MICB: variants seen among roughly 807,000 people sequenced by gnomAD.
MICB encodes MHC class I antigen-related protein B.
In MICB, 27 loss-of-function variants were observed where a neutral mutation model predicts 34.3. The ratio of observed to expected loss-of-function variants is 0.79; its 90% confidence interval spans 0.58 to 1.08. The LOEUF is 1.08. MICB is among the 50% of genes least tolerant of loss of function. MICB has a pLI of 0.00. For missense variants in MICB, 426 were observed against 483.1 expected, an observed-to-expected ratio of 0.88 and a Z score of 1.11; for synonymous variants, 153 against 187.4, an observed-to-expected ratio of 0.82 and a Z score of 1.50.
At chr6:31,500,823 G>A (rs1445929701) in intron 1 of MICB, among the ~76,000 whole-genome samples, 2 of 152,128 alleles carry the variant, frequency 1.3e-5, no homozygotes, top group African/African-American at 2.4e-5. Context: ...TTCTCCATTC[G>A]TCTGTTGATG....
upstream of MICB, among the ~76,000 whole-genome samples, chr6:31,497,826 C>A (rs929462319): frequency 1.1e-4 from 16 of 152,148 alleles, no homozygotes; most frequent in African/African-American, 3.9e-4. Context: ...GGTGGGAATG[C>A]GGGGATGGGG....
At chr6:31,496,175 T>G (rs1764640939), upstream of MICB, among the ~76,000 whole-genome samples, 1 of 151,170 alleles carries the variant, frequency 6.6e-6, no homozygotes, top group Admixed American at 6.6e-5. Flanking sequence ...TGACTAAGAA[T>G]GTGCGCTGGG....
At chr6:31,506,498 T>C (rs1489385191) in intron 3 of MICB, 68 bp downstream of exon 3, 6 of 1,534,972 alleles carry the variant, frequency 3.9e-6, no homozygotes, top group Non-Finnish European at 5.3e-6. Context: ...CTCCCAGCTC[T>C]GTCCGGGGAA....
chr6:31,500,624 C>T (rs1213987844), intron 1 of MICB, among the ~76,000 whole-genome samples: 2 of 152,154 alleles, frequency 1.3e-5, no homozygotes, highest in Non-Finnish European at 2.9e-5. Context: ...CTCTGGTAGT[C>T]GTCATTCTAT....
intron 1 of MICB, among the ~76,000 whole-genome samples, chr6:31,504,019 A>C (rs1765147560): frequency 6.8e-6 from 1 of 148,040 alleles, no homozygotes; most frequent in African/African-American, 2.5e-5. Flanking sequence ...TTGAAGTGGT[A>C]TCTCATTGTG....
At chr6:31,506,002 G>T in intron 2 of MICB, 131 bp downstream of exon 2, 1 of 1,470,444 alleles carries the variant, frequency 6.8e-7, no homozygotes, top group South Asian at 1.4e-5. Context: ...GGGAGGCTCA[G>T]CAGGGTGGTG....
intron 1 of MICB, among the ~76,000 whole-genome samples, chr6:31,499,652 C>T (rs1764913510): frequency 3.3e-5 from 5 of 152,158 alleles, no homozygotes; most frequent in Admixed American, 3.3e-4. Flanking sequence ...CGCAGATGCC[C>T]CCTCCCCTCC....
chr6:31,500,886 C>T (rs1764983210), intron 1 of MICB, among the ~76,000 whole-genome samples: 1 of 152,198 alleles, frequency 6.6e-6, no homozygotes, highest in Non-Finnish European at 1.5e-5. Flanking sequence ...CTGCAATAAA[C>T]ATGGAAAAGT....
At position 31,509,940 on chromosome 6, in the gene MICB, C is replaced by G. The variant is rs770529671; in HGVS notation, c.*31C>G. On this transcript the variant is annotated 3_prime_UTR_variant, in exon 6 of 6. Coordinates refer to ENST00000252229, the MANE Select transcript of MICB (RefSeq NM_005931.5). The stretch of plus-strand genomic sequence containing the variant: ...ACAGCCAGGCGGCCAGGATTCAACT[C>G]CCTGCCTGGATCTCACCAGCACTTT... 6.4e-7 allele frequency: 1 copy of G among 1,570,728 alleles called. No homozygotes were observed. Among genetic ancestry groups the G allele is most frequent in the Non-Finnish European group, 8.6e-7 (1 of 1,158,134 alleles).
In MICB at chr6:31,506,169, G is replaced by A; in HGVS notation, c.352G>A (p.Val118Ile). The stretch of plus-strand genomic sequence containing the variant: ...CTTGCATTCCCTCCAGGAGATTAGG[G>A]TCTGTGAGATCCATGAAGACAGCAG... ...GGLHSLQEIR[V>I]CEIHEDSSTR... Residue 118 changes from valine (V) to isoleucine (I), a missense_variant, in exon 3 of 6, where the codon GTC becomes ATC. Coordinates refer to ENST00000252229, the MANE Select transcript of MICB (RefSeq NM_005931.5). The A allele has an allele frequency of 6.2e-7, 1 of 1,613,956 alleles. No homozygotes were observed. Among genetic ancestry groups the A allele is most frequent in the Non-Finnish European group, 8.5e-7 (1 of 1,179,932 alleles).
intron 1 of MICB, 21 bp downstream of exon 1, chr6:31,498,284 T>G (rs1228800139): frequency 2.6e-6 from 4 of 1,534,624 alleles, no homozygotes; most frequent in South Asian, 2.3e-5. Context: ...TTCCTGGCGG[T>G]CCCCGGCGGA....
At chr6:31,508,175 T>A (rs1765460367) in intron 5 of MICB, among the ~76,000 whole-genome samples, 1 of 152,174 alleles carries the variant, frequency 6.6e-6, no homozygotes, top group Admixed American at 6.5e-5. Flanking sequence ...GCGTGTTTTC[T>A]TCTGCAGTCC....
rs542178412 is a variant in MICB at position 31,510,653 on chromosome 6, C to G, written c.*744C>G. The G allele has an allele frequency of 5.9e-5, 9 of 152,316 alleles. No individual in the cohort carries two copies. Among genetic ancestry groups the G allele is most frequent in the Admixed American group, 5.9e-4 (9 of 15,302 alleles). 9.4% of individuals were successfully genotyped at this position (152,316 alleles called of 1,614,324 possible). A position where few individuals can be genotyped will look rare whatever the true frequency, so the allele number is the denominator to read the frequency against. On this transcript the variant is annotated 3_prime_UTR_variant, in exon 6 of 6. Coordinates refer to ENST00000252229, the MANE Select transcript of MICB (RefSeq NM_005931.5). ...CTCTGCCTCCCAGGTTCAAGCACTTCTCGTACCTCAGACTCCCGAATAGCT... is the reference window on the plus strand; with the variant it reads ...CTCTGCCTCCCAGGTTCAAGCACTTGTCGTACCTCAGACTCCCGAATAGCT...
Position 31,501,904 on chromosome 6 carries a change from T to A in MICB, c.70+3641T>A, listed in dbSNP as rs143725011. On this transcript the variant is annotated intron_variant, in intron 1 of 5. Coordinates refer to ENST00000252229, the MANE Select transcript of MICB (RefSeq NM_005931.5). ...TTGTTCTTTTTGCTCAGGGTAGCTT[T>A]ATCTATTCTGGGTTTTTTGTGATTC... is the stretch of plus-strand genomic sequence containing the variant. 3.2e-3 allele frequency among the ~76,000 whole-genome samples: 489 copies of A among 152,376 alleles called. 1 individual carries two copies. Among genetic ancestry groups the A allele is most frequent in the Middle Eastern group, 0.02 (6 of 294 alleles).
chr6:31,507,412 T>A lies in MICB; in HGVS notation c.905T>A (p.Val302Glu). ...THPVPSGKAL[V>E]LQSQRTDFPY... is the part of the protein sequence containing the mutation. ...CCCTTTTTTTCAGGGAAGGCGCTGG[T>A]GCTTCAGAGTCAACGGACAGACTTT... Residue 302 changes from valine to glutamate, a missense_variant, in exon 5 of 6, where the codon GTG (valine) becomes GAG (glutamate). Val to Glu is a moderately radical substitution (Grantham distance 121). Coordinates refer to ENST00000252229, the MANE Select transcript of MICB (RefSeq NM_005931.5). The surrounding 1 kb of genome is among the most constrained non-coding windows in gnomAD (Gnocchi z 6.0). 1 of 1,614,150 alleles carries A rather than the reference T, an allele frequency of 6.2e-7. No homozygotes were observed. Among genetic ancestry groups the A allele is most frequent in the East Asian group, 2.2e-5 (1 of 44,876 alleles).
chr6:31,509,749 A>T, intron 5 of MICB, 33 bp from the exon 6 acceptor site: 1 of 1,587,930 alleles, frequency 6.3e-7, no homozygotes. Context: ...CACTGCACCC[A>T]GTGGAGCATT....
At position 31,498,155 on chromosome 6, in the gene MICB, C is replaced by T. The variant is rs368417585; in HGVS notation, c.-39C>T. The T allele has an allele frequency of 3.9e-4, 601 of 1,534,180 alleles. No individual in the cohort carries two copies. Among genetic ancestry groups the T allele is most frequent in the Admixed American group, 1.1e-3 (64 of 55,820 alleles). On this transcript the variant is annotated 5_prime_UTR_variant, in exon 1 of 6. Transcript: ENST00000252229. The stretch of plus-strand genomic sequence containing the variant: ...CTTCTCACGGGTTTCATTCAGTTGG[C>T]CACTGCTGAGCAGCTGAGAAGGTGG...
intron 3 of MICB, 151 bp from the exon 4 acceptor site, chr6:31,506,871 A>C: frequency 4.7e-6 from 6 of 1,269,862 alleles, no homozygotes; most frequent in Non-Finnish European, 5.3e-6. Context: ...GCCTGGAGGA[A>C]TTAGGCCCCA....
chr6:31,502,400 G>A (rs1269916538), intron 1 of MICB, among the ~76,000 whole-genome samples: 1 of 152,102 alleles, frequency 6.6e-6, no homozygotes, highest in African/African-American at 2.4e-5. Flanking sequence ...TCCATTTTTT[G>A]TGTCCTCTTC....
Sources: allele counts gnomAD v4.1 joint callset (sites outside exome capture counted in the v4.1 genomes callset), GRCh38; gene constraint gnomAD v4.1.1; non-coding constraint Gnocchi (gnomAD v3.1); transcripts MANE v1.5; gene names NCBI Gene and HGNC (gene_info 2026-07-23, HGNC 2026-07-21).